The following THSD4 variants were observed in gnomAD, a reference collection of about 807,000 sequenced individuals.
THSD4 encodes the protein thrombospondin type-1 domain-containing protein 4.
In THSD4, 69 loss-of-function variants were observed where a neutral mutation model predicts 119.0. The ratio of observed to expected loss-of-function variants is 0.58; its 90% CI spans 0.48 to 0.71. THSD4 has a LOEUF of 0.71. Ranked by LOEUF, THSD4 falls within the 30% of genes least tolerant of loss-of-function variation. The pLI is 0.00. For missense variants in THSD4, 1,393 were observed against 1,391.1 expected (o/e 1.00, Z -0.02); for synonymous variants, 524 against 540.4 (o/e 0.97, Z 0.42).
chr15:71,711,265 A>C (rs1244974345), intron 8 of THSD4, among the ~76,000 whole-genome samples: 3 of 152,022 alleles, frequency 2.0e-5, no homozygotes, highest in Non-Finnish European at 4.4e-5. Context: ...GTTCACGGAA[A>C]AACCGAAGGT....
At chr15:71,444,178 G>A (rs770029801) in intron 7 of THSD4, among the ~76,000 whole-genome samples, 12 of 152,308 alleles carry the variant, frequency 7.9e-5, no homozygotes, top group Admixed American at 2.0e-4. Context: ...GGACAGGCAC[G>A]CAGAGAGGTA....
chr15:71,509,501 A>G (rs2140752110), intron 7 of THSD4, among the ~76,000 whole-genome samples: 1 of 152,374 alleles, frequency 6.6e-6, no homozygotes, highest in Middle Eastern at 3.4e-3. Context: ...CCCCCAGGCC[A>G]AGTAATGATT....
upstream of THSD4, chr15:71,112,147 C>T (rs200246125): frequency 3.1e-4 from 502 of 1,613,566 alleles, no homozygotes; most frequent in Non-Finnish European, 4.1e-4. Flanking sequence ...GGAGCCCTCA[C>T]CACGTGCAGA....
At chr15:71,668,338 G>A (rs2051456426) in intron 8 of THSD4, among the ~76,000 whole-genome samples, 1 of 152,120 alleles carries the variant, frequency 6.6e-6, no homozygotes, top group South Asian at 2.1e-4. Flanking sequence ...AAAGCAGATG[G>A]GAGGATGTTC....
intron 7 of THSD4, among the ~76,000 whole-genome samples, chr15:71,626,515 A>T (rs1027925246): frequency 2.6e-5 from 4 of 152,158 alleles, no homozygotes; most frequent in African/African-American, 9.7e-5. Flanking sequence ...TTTTCTAAGA[A>T]TTTTTACACT....
At chr15:71,569,613 A>G (rs2049311942) in intron 7 of THSD4, among the ~76,000 whole-genome samples, 1 of 152,222 alleles carries the variant, frequency 6.6e-6, no homozygotes, top group South Asian at 2.1e-4. Context: ...CTTTACATCT[A>G]ACTAGAGATG....
chr15:71,292,954 G>T (rs1292048723), intron 6 of THSD4, among the ~76,000 whole-genome samples: 1 of 152,172 alleles, frequency 6.6e-6, no homozygotes, highest in East Asian at 1.9e-4. Flanking sequence ...GGGATTACGG[G>T]CATGAGCCAC....
At chr15:71,680,702 C>T (rs2051755736) in intron 8 of THSD4, among the ~76,000 whole-genome samples, 1 of 152,216 alleles carries the variant, frequency 6.6e-6, no homozygotes, top group Admixed American at 6.5e-5. Context: ...GTTAAGAGTT[C>T]TACTCTCAGC....
intron 2 of THSD4, among the ~76,000 whole-genome samples, chr15:71,151,951 T>C (rs1441682942): frequency 1.3e-5 from 2 of 152,206 alleles, no homozygotes; most frequent in African/African-American, 4.8e-5. Context: ...GTATCTGCAC[T>C]GGACAGTACC....
rs1412793130 is a variant in THSD4, at chr15:71,667,931, A to G, written c.1357+7197A>G. Among the ~76,000 whole-genome samples, 4 of 151,976 alleles carry G rather than the reference A, an allele frequency of 2.6e-5. No individual in the cohort carries two copies. In the East Asian group the frequency reaches 7.7e-4, roughly 29 times the overall value. On this transcript the variant is annotated intron_variant, in intron 8 of 17. Coordinates refer to ENST00000261862, the MANE Select transcript of THSD4 (RefSeq NM_024817.3). ...TTTCTGTAAGTACCAATAAATAGCT[A>G]TTTTCTAAAATTGATATTACTATAC...
chr15:71,753,225 T>G, intron 14 of THSD4, among the ~76,000 whole-genome samples: 1 of 152,204 alleles, frequency 6.6e-6, no homozygotes, highest in Non-Finnish European at 1.5e-5. Flanking sequence ...TTCAGCTGCT[T>G]GTACTTGAGA....
At chr15:71,675,890 C>A (rs892833780) in intron 8 of THSD4, among the ~76,000 whole-genome samples, 95 of 152,276 alleles carry the variant, frequency 6.2e-4, no homozygotes, top group South Asian at 1.0e-3. Flanking sequence ...CACTTCCCAG[C>A]CACTGGAAGA....
chr15:71,245,311 T>A (rs886735454), intron 5 of THSD4, among the ~76,000 whole-genome samples: 1 of 152,116 alleles, frequency 6.6e-6, no homozygotes, highest in Non-Finnish European at 1.5e-5. Context: ...TGTCATTCCT[T>A]AGAGGTTCCA....
intron 1 of THSD4, among the ~76,000 whole-genome samples, chr15:71,129,446 G>A (rs1222374545): frequency 1.3e-5 from 2 of 152,136 alleles, no homozygotes; most frequent in African/African-American, 2.4e-5. Flanking sequence ...GTAGGGCATC[G>A]TAGCCATTGA....
intron 4 of THSD4, among the ~76,000 whole-genome samples, chr15:71,223,159 C>T (rs1027431181): frequency 2.0e-5 from 3 of 152,136 alleles, no homozygotes; most frequent in South Asian, 2.1e-4. Flanking sequence ...GTGACAGATG[C>T]GTGGTGTTCT....
At chr15:71,683,347 C>T (rs1287667792) in intron 8 of THSD4, among the ~76,000 whole-genome samples, 6 of 151,980 alleles carry the variant, frequency 3.9e-5, no homozygotes, top group African/African-American at 1.5e-4. Flanking sequence ...ATGTTAAATT[C>T]ATTCAATAAA....
intron 4 of THSD4, among the ~76,000 whole-genome samples, chr15:71,225,684 AG>A (rs764544106): frequency 1.3e-5 from 2 of 151,672 alleles, no homozygotes; most frequent in South Asian, 4.2e-4. Context: ...CTGGGACTAC[AG>A]GCACGTGCCA....
chr15:71,626,829 C>T (rs1479339870), intron 7 of THSD4, among the ~76,000 whole-genome samples: 1 of 152,118 alleles, frequency 6.6e-6, no homozygotes, highest in Non-Finnish European at 1.5e-5. Context: ...TCTTATCTAG[C>T]TCTGGAATCA....
intron 7 of THSD4, among the ~76,000 whole-genome samples, chr15:71,473,056 CTTTTTT>C (rs35085059): frequency 7.7e-6 from 1 of 129,314 alleles, no homozygotes; most frequent in Non-Finnish European, 1.6e-5. Context: ...CTGTATTTGG[CTTTTTT>C]TTTTTTTTTT....
Sources: allele counts gnomAD v4.1 joint callset (sites outside exome capture counted in the v4.1 genomes callset), GRCh38; gene constraint gnomAD v4.1.1; transcripts MANE v1.5; gene names NCBI Gene and HGNC (gene_info 2026-07-23, HGNC 2026-07-21).